Variants in TRNAU1AP observed in about 807,000 individuals in gnomAD.
TRNAU1AP encodes tRNA selenocysteine 1-associated protein 1.
Under a neutral mutation model 43.3 loss-of-function variants are expected in TRNAU1AP, and 33 were observed. The observed-to-expected ratio is 0.76, with a 90% CI of 0.58 to 1.02. The LOEUF (loss-of-function observed/expected upper bound fraction) is 1.02. Among genes scored for constraint, TRNAU1AP ranks in the 50% least tolerant of loss-of-function variants. TRNAU1AP has a pLI of 0.00. For synonymous variants in TRNAU1AP, 143 were observed against 129.1 expected, an observed-to-expected ratio of 1.11 and a Z score of -0.73; for missense variants, 290 against 362.7, an observed-to-expected ratio of 0.80 and a Z score of 1.63.
intron 2 of TRNAU1AP, among the ~76,000 whole-genome samples, chr1:28,555,217 C>G (rs1413132212): frequency 6.9e-6 from 1 of 145,058 alleles, no homozygotes; most frequent in Non-Finnish European, 1.5e-5. Context: ...GCAATAAGAG[C>G]GAAACTCCAT....
intron 2 of TRNAU1AP, among the ~76,000 whole-genome samples, chr1:28,554,365 G>A (rs967378657): frequency 6.6e-5 from 10 of 152,022 alleles, no homozygotes. Context: ...TTATGGTGAG[G>A]ATTAAATGAG....
At chr1:28,557,899 AT>A (rs58464316) in intron 2 of TRNAU1AP, among the ~76,000 whole-genome samples, 201 of 133,208 alleles carry the variant, frequency 1.5e-3, no homozygotes, top group Middle Eastern at 5.0e-3. Flanking sequence ...CACCCAGCTA[AT>A]TTTTTTTTTT....
Position 28,564,826 on chromosome 1 carries a change from C to T in TRNAU1AP, c.402C>T (p.Gly134=), listed in dbSNP as rs985137732. 4.0e-5 allele frequency: 65 copies of T among 1,613,906 alleles called. No individual in the cohort carries two copies. The highest frequency in any genetic ancestry group is 5.2e-5 in the Non-Finnish European group (61 of 1,180,016). ...RGGKVVLDQT[G]VSKGYGFVKF... is the part of the protein sequence containing the mutation. Reference sequence around the variant, plus strand: ...GCAAGGTGGTTTTGGACCAGACAGGCGTGTCTAAGTAAGGCCTTACTTGTT... The same window carrying T: ...GCAAGGTGGTTTTGGACCAGACAGGTGTGTCTAAGTAAGGCCTTACTTGTT... The change falls in exon 5 of 9, where the codon GGC becomes GGT. Residue 134 remains glycine, a synonymous_variant. Coordinates refer to ENST00000373830, the MANE Select transcript of TRNAU1AP (RefSeq NM_017846.5).
chr1:28,573,781 A>C (rs1297125135), intron 8 of TRNAU1AP, among the ~76,000 whole-genome samples: 1 of 151,574 alleles, frequency 6.6e-6, no homozygotes, highest in Non-Finnish European at 1.5e-5. Flanking sequence ...TCAAAAAAAA[A>C]AAAAAATTAT....
intron 2 of TRNAU1AP, among the ~76,000 whole-genome samples, chr1:28,560,202 G>C (rs945775501): frequency 1.3e-5 from 2 of 151,876 alleles, no homozygotes; most frequent in Non-Finnish European, 2.9e-5. Context: ...CTGGGGTATG[G>C]CAGGGAACAA....
intron 7 of TRNAU1AP, 33 bp downstream of exon 7, chr1:28,571,371 G>A (rs1049122676): frequency 5.6e-6 from 9 of 1,611,778 alleles, no homozygotes; most frequent in Non-Finnish European, 7.6e-6. Flanking sequence ...GGTCCCCTTG[G>A]GTTGTGTTTC....
intron 2 of TRNAU1AP, among the ~76,000 whole-genome samples, chr1:28,559,275 C>T (rs942238570): frequency 6.6e-6 from 1 of 151,984 alleles, no homozygotes; most frequent in Admixed American, 6.6e-5. Context: ...AAGCCAACCT[C>T]TTTTTTTCCT....
chr1:28,562,897 CT>C (rs780392283), intron 4 of TRNAU1AP, among the ~76,000 whole-genome samples: 170 of 118,538 alleles, frequency 1.4e-3, no homozygotes, highest in East Asian at 1.8e-3. Context: ...TTTGTGTATT[CT>C]TTTTTTTTTT....
intron 8 of TRNAU1AP, among the ~76,000 whole-genome samples, chr1:28,573,436 C>G (rs891200241): frequency 2.0e-5 from 3 of 151,394 alleles, no homozygotes; most frequent in Non-Finnish European, 4.4e-5. Context: ...GTTAAGAGAT[C>G]GAGACCATCT....
intron 5 of TRNAU1AP, 78 bp from the exon 6 acceptor site, chr1:28,567,216 T>A: frequency 6.6e-7 from 1 of 1,512,928 alleles, no homozygotes; most frequent in East Asian, 2.3e-5. Context: ...CACCTTCTTA[T>A]CCTTACTTCT....
chr1:28,569,002 G>C lies in TRNAU1AP; in HGVS notation c.530+1589G>C, dbSNP rs1293093652. Reference sequence around the variant, plus strand: ...AATTTTTGTATTTTTAGTAGAGACAGGGTTTCACATGTTGATCAGGCTGGT... The same window carrying C: ...AATTTTTGTATTTTTAGTAGAGACACGGTTTCACATGTTGATCAGGCTGGT... On this transcript the variant is annotated intron_variant, in intron 6 of 8. Coordinates refer to ENST00000373830, the MANE Select transcript of TRNAU1AP (RefSeq NM_017846.5). 2.0e-5 allele frequency among the ~76,000 whole-genome samples: 3 copies of C among 152,076 alleles called. No individual in the cohort carries two copies. In the East Asian group the frequency reaches 5.8e-4, roughly 29 times the overall value.
intron 6 of TRNAU1AP, among the ~76,000 whole-genome samples, chr1:28,570,351 G>A (rs1665636740): frequency 2.0e-5 from 3 of 151,900 alleles, no homozygotes; most frequent in Non-Finnish European, 4.4e-5. Context: ...AGGTTCAAGC[G>A]ATTCTCCTGC....
intron 5 of TRNAU1AP, 158 bp downstream of exon 5, chr1:28,564,992 G>A: frequency 1.2e-6 from 1 of 806,018 alleles, no homozygotes; most frequent in Non-Finnish European, 2.1e-6. Context: ...ACAGGTGAGG[G>A]AGAATGCCAG....
chr1:28,565,079 GGTTGAT>G, intron 5 of TRNAU1AP: 2 of 508,270 alleles, frequency 3.9e-6, no homozygotes, highest in Middle Eastern at 1.1e-3. Context: ...CTGCTTGTAG[GGTTGAT>G]GTAAGGATTA....
intron 8 of TRNAU1AP, among the ~76,000 whole-genome samples, chr1:28,576,837 G>A (rs1194305980): frequency 6.6e-6 from 1 of 152,192 alleles, no homozygotes; most frequent in Non-Finnish European, 1.5e-5. Flanking sequence ...GACTTCTGGT[G>A]ATCTGCCCGC....
intron 8 of TRNAU1AP, 135 bp downstream of exon 8, chr1:28,572,035 C>T: frequency 1.3e-6 from 1 of 796,648 alleles, no homozygotes; most frequent in Non-Finnish European, 2.2e-6. Context: ...GAGAGCCAGA[C>T]AAATATGTAA....
At chr1:28,561,075 AC>A (rs1345768838) in intron 3 of TRNAU1AP, 1 of 1,365,100 alleles carries the variant, frequency 7.3e-7, no homozygotes, top group Admixed American at 3.2e-5. Flanking sequence ...AGCAGCAAGG[AC>A]ACATTTCAAG....
chr1:28,553,888 G>A, intron 2 of TRNAU1AP, 151 bp downstream of exon 2: 4 of 709,292 alleles, frequency 5.6e-6, no homozygotes, highest in South Asian at 5.2e-5. Context: ...ATGAGTGGAA[G>A]GATGGCATGT....
intron 7 of TRNAU1AP, 76 bp from the exon 8 acceptor site, chr1:28,571,790 AT>A (rs1191999244): frequency 3.2e-6 from 4 of 1,262,460 alleles, no homozygotes; most frequent in Non-Finnish European, 4.6e-6. Context: ...CTCAAAAAAA[AT>A]AAAAAATATA....
Sources: gnomAD v4.1 joint callset for allele counts (sites outside exome capture counted in the v4.1 genomes callset) on GRCh38, gnomAD v4.1.1 for gene constraint, MANE v1.5 for transcripts, NCBI Gene and HGNC (gene_info 2026-07-23, HGNC 2026-07-21) for gene names.